The following TSC22D4 variants were observed in gnomAD, a reference collection of about 807,000 sequenced individuals.
TSC22D4 encodes TSC22 domain family protein 4.
A neutral mutation model predicts 24.9 loss-of-function variants in TSC22D4; 5 were observed. The observed-to-expected ratio is 0.20, with a 90% CI of 0.10 to 0.42. The LOEUF is 0.42. Ranked by LOEUF, TSC22D4 falls within the 10% of genes least tolerant of loss-of-function variation. The pLI is 1.00. For synonymous variants in TSC22D4, 245 were observed against 243.2 expected, an observed-to-expected ratio of 1.01 and a Z score of -0.07; for missense variants, 469 against 547.9, an observed-to-expected ratio of 0.86 and a Z score of 1.44.
At position 100,474,480 on chromosome 7, in the gene TSC22D4, A is replaced by G. The variant is rs755918370; in HGVS notation, c.763-40T>C. ...GTAGGAACCATCACATGAAAAGAGA[A>G]AAGAAAGGAACCAGCTGCCTTAAAA... On this transcript the variant is annotated intron_variant, in intron 2 of 4. Coordinates refer to ENST00000300181, the MANE Select transcript of TSC22D4 (RefSeq NM_030935.5). This position sits in a 1 kb window ranked among gnomAD's most constrained non-coding sequence, Gnocchi z 4.3. 1.9e-6 allele frequency: 3 copies of G among 1,610,344 alleles called. No individual in the cohort carries two copies. Among genetic ancestry groups the G allele is most frequent in the East Asian group, 2.2e-5 (1 of 44,818 alleles).
intron 3 of TSC22D4, chr7:100,473,992 A>C: frequency 2.5e-5 from 9 of 359,532 alleles, no homozygotes; most frequent in Non-Finnish European, 4.2e-5. Flanking sequence ...TAAATCTGCA[A>C]GAGCTCTGGA....
chr7:100,475,453 TG>T (rs1481190565), intron 2 of TSC22D4, among the ~76,000 whole-genome samples: 1 of 152,250 alleles, frequency 6.6e-6, no homozygotes. Context: ...ACTGGTTTAC[TG>T]AACTATTTCA....
At chr7:100,475,362 C>T (rs1426675850) in intron 2 of TSC22D4, among the ~76,000 whole-genome samples, 3 of 152,134 alleles carry the variant, frequency 2.0e-5, no homozygotes, top group African/African-American at 4.8e-5. Context: ...GCTGGGATTA[C>T]AGGCGTGAAC....
At chr7:100,471,544 A>C (rs1374101974) in intron 3 of TSC22D4, among the ~76,000 whole-genome samples, 4 of 152,158 alleles carry the variant, frequency 2.6e-5, no homozygotes, top group Non-Finnish European at 5.9e-5. Context: ...GTTTGAGATC[A>C]GCCTGGCCAA....
intron 3 of TSC22D4, among the ~76,000 whole-genome samples, chr7:100,472,455 C>T (rs1401012690): frequency 7.0e-6 from 1 of 143,428 alleles, no homozygotes; most frequent in Non-Finnish European, 1.5e-5. Flanking sequence ...AGGGGAAAGA[C>T]GGAGGCCTCA....
At chr7:100,468,109 C>G (rs1352798889) in intron 3 of TSC22D4, 1 of 352,676 alleles carries the variant, frequency 2.8e-6, no homozygotes, top group Non-Finnish European at 5.8e-6. Context: ...TATACACCAC[C>G]CCCCCAAGGG....
At chr7:100,471,730 A>G (rs1364125953) in intron 3 of TSC22D4, among the ~76,000 whole-genome samples, 1 of 151,694 alleles carries the variant, frequency 6.6e-6, no homozygotes, top group Non-Finnish European at 1.5e-5. Flanking sequence ...ACAGAGCAAG[A>G]CTCCATCTAA....
rs1799292298 is a variant in TSC22D4 at position 100,467,061 on chromosome 7, A to G, written c.1086T>C (p.Asn362=). ...GGCTGGCCAGGGCGCGCAGCAGCCC[A>G]TTCTCCTGCTCCAGCGCAGCGTTCC... ...AERNAALEQE[N]GLLRALASPE... Residue 362 remains asparagine, a synonymous_variant, in exon 5 of 5, where the codon AAT becomes AAC. Transcript: ENST00000300181. 1 of 1,613,848 alleles carries G rather than the reference A, an allele frequency of 6.2e-7. No homozygotes were observed. Among genetic ancestry groups the G allele is most frequent in the Non-Finnish European group, 8.5e-7 (1 of 1,179,986 alleles).
chr7:100,468,388 C>T (rs1799330333), intron 3 of TSC22D4, among the ~76,000 whole-genome samples: 1 of 152,148 alleles, frequency 6.6e-6, no homozygotes, highest in Non-Finnish European at 1.5e-5. Context: ...CCCTCGCCAC[C>T]TCCGACCCCA....
At chr7:100,475,678 G>T (rs533857137) in intron 2 of TSC22D4, among the ~76,000 whole-genome samples, 1 of 152,072 alleles carries the variant, frequency 6.6e-6, no homozygotes, top group Non-Finnish European at 1.5e-5. Context: ...TAGGGTTGGG[G>T]GGGGAGCTGG....
intron 4 of TSC22D4, 37 bp from the exon 5 acceptor site, chr7:100,467,205 G>A (rs1393058232): frequency 6.2e-6 from 10 of 1,602,898 alleles, no homozygotes; most frequent in African/African-American, 1.3e-5. Context: ...TCAACGGGGT[G>A]GGTGCCTCAT....
At chr7:100,467,258 C>CCA (rs761543315) in intron 4 of TSC22D4, 90 bp from the exon 5 acceptor site, 1 of 1,360,622 alleles carries the variant, frequency 7.3e-7, no homozygotes, top group South Asian at 1.2e-5. Flanking sequence ...AGACAGTCCC[C>CCA]AGTGTCCAGA....
rs1310397531 is a variant in TSC22D4, at chr7:100,477,203, G to C, written c.762+74C>G. ...ATGGAGAAGGAGGAGGAGAGGGGGG[G>C]GAGGAGGAGGAAGGAGGCTCAAGAT... is the stretch of plus-strand genomic sequence containing the variant. On this transcript the variant is annotated intron_variant, in intron 2 of 4. Transcript: ENST00000300181. This position sits in a 1 kb window ranked among gnomAD's most constrained non-coding sequence, Gnocchi z 7.8. The C allele has an allele frequency of 3.4e-6, 4 of 1,179,828 alleles. No individual in the cohort carries two copies. The African/African-American group carries it at 4.8e-5, about 14-fold the overall frequency. The allele number at this position is 1,179,828 out of a possible 1,614,324, so 73.1% of individuals were successfully genotyped here. A position where few individuals can be genotyped will look rare whatever the true frequency, so the allele number is the denominator to read the frequency against.
Position 100,477,525 on chromosome 7 carries a change from G to A in TSC22D4, c.514C>T (p.Gln172Ter). Residue 172 changes from glutamine (Q) to a stop codon, truncating the protein, a stop_gained, in exon 2 of 5, where the codon CAG becomes TAG. Transcript: ENST00000300181. LOFTEE classifies it high-confidence loss of function. This position sits in a 1 kb window ranked among gnomAD's most constrained non-coding sequence, Gnocchi z 7.8. ...TTGGCTTTGCTGGGCACCACCAGCT[G>A]GCCCAGTCCCCCAGTGAAGGAGCGG... is the stretch of plus-strand genomic sequence containing the variant. The part of the protein sequence containing the change: ...QARSFTGGLG[Q>*]LVVPSKAKAE... The A allele has an allele frequency of 6.4e-7, 1 of 1,559,226 alleles. No homozygotes were observed. The highest frequency in any genetic ancestry group is 8.7e-7 in the Non-Finnish European group (1 of 1,152,968).
intron 3 of TSC22D4, among the ~76,000 whole-genome samples, chr7:100,473,389 G>A (rs753370667): frequency 1.3e-5 from 2 of 152,118 alleles, no homozygotes; most frequent in African/African-American, 4.8e-5. Flanking sequence ...TGTTAGGAGA[G>A]AAAGAGGGAG....
At chr7:100,472,679 G>A (rs546164182) in intron 3 of TSC22D4, among the ~76,000 whole-genome samples, 27 of 152,138 alleles carry the variant, frequency 1.8e-4, no homozygotes, top group South Asian at 6.2e-4. Flanking sequence ...GGAATGGGGC[G>A]TGCAGAAGCC....
In TSC22D4 at chr7:100,474,052, C is replaced by A. The variant is rs1799445095; in HGVS notation, c.929+222G>T. 1 of 533,296 alleles carries A rather than the reference C, an allele frequency of 1.9e-6. No individual in the cohort carries two copies. The highest frequency in any genetic ancestry group is 3.3e-6 in the Non-Finnish European group (1 of 299,238). 33.0% of individuals were successfully genotyped at this position (533,296 alleles called of 1,614,324 possible). A position where few individuals can be genotyped will look rare whatever the true frequency, so the allele number is the denominator to read the frequency against. The stretch of plus-strand genomic sequence containing the variant: ...GACTCTAAAAAAGTCTGTGACCTGA[C>A]AGTTCTGAGCCAGGGAGTCCCACCC... On this transcript the variant is annotated intron_variant, in intron 3 of 4. Transcript: ENST00000300181. The surrounding 1 kb of genome is among the most constrained non-coding windows in gnomAD (Gnocchi z 4.3).
chr7:100,477,369 C>T lies in TSC22D4; in HGVS notation c.670G>A (p.Gly224Ser). 5.7e-6 allele frequency: 9 copies of T among 1,588,554 alleles called. No individual in the cohort carries two copies. In the African/African-American group the frequency reaches 9.5e-5, roughly 17 times the overall value. Reference protein sequence around the residue: ...PSLRVEAEAGGSGARTPPLSR... With the variant: ...PSLRVEAEAGSSGARTPPLSR... ...AGTGGAGGGGTCCTGGCCCCTGAGCCCCCAGCCTCCGCTTCCACCCTCAGA... is the reference window on the plus strand; with the variant it reads ...AGTGGAGGGGTCCTGGCCCCTGAGCTCCCAGCCTCCGCTTCCACCCTCAGA... Residue 224 changes from glycine to serine, a missense_variant, in exon 2 of 5, where the codon GGC becomes AGC. Physicochemically the swap from Gly to Ser is moderately conservative, Grantham distance 56. Coordinates refer to ENST00000300181, the MANE Select transcript of TSC22D4 (RefSeq NM_030935.5). The surrounding 1 kb of genome is among the most constrained non-coding windows in gnomAD (Gnocchi z 7.8).
intron 3 of TSC22D4, among the ~76,000 whole-genome samples, chr7:100,468,520 C>T (rs886134957): frequency 1.3e-5 from 2 of 152,194 alleles, no homozygotes; most frequent in Non-Finnish European, 2.9e-5. Flanking sequence ...AAAAACCCCA[C>T]AAGGCTCACA....
Sources: gnomAD v4.1 joint callset for allele counts (sites outside exome capture counted in the v4.1 genomes callset) on GRCh38, gnomAD v4.1.1 for gene constraint, Gnocchi (gnomAD v3.1) non-coding constraint, MANE v1.5 for transcripts, NCBI Gene and HGNC (gene_info 2026-07-23, HGNC 2026-07-21) for gene names.